Variants in DGKB observed in about 807,000 individuals in gnomAD.
DGKB encodes 90 kDa diacylglycerol kinase.
Under a neutral mutation model 114.3 loss-of-function variants are expected in DGKB, and 67 were observed. That is an observed-to-expected ratio of 0.59 (90% confidence interval 0.48 to 0.72). The LOEUF (loss-of-function observed/expected upper bound fraction) is 0.72, where lower values mean the gene tolerates loss of function less well. DGKB is among the 30% of genes least tolerant of loss of function. DGKB has a pLI of 0.00. For missense variants in DGKB, 907 were observed against 975.2 expected (o/e 0.93, Z 0.93); for synonymous variants, 398 against 323.1 (o/e 1.23, Z -2.49).
At chr7:14,681,997 T>C (rs1585614500) in intron 12 of DGKB, among the ~76,000 whole-genome samples, 1 of 152,212 alleles carries the variant, frequency 6.6e-6, no homozygotes, top group African/African-American at 2.4e-5. Context: ...AAGACCTGAA[T>C]AAAACACGGT....
chr7:14,638,542 G>C (rs1308948451), intron 13 of DGKB, among the ~76,000 whole-genome samples: 1 of 152,196 alleles, frequency 6.6e-6, no homozygotes, highest in East Asian at 1.9e-4. Flanking sequence ...CATTCACTCA[G>C]CAAATATTTG....
rs1043876908 is a variant in DGKB at position 14,851,398 on chromosome 7, A to G, written c.-187-9948T>C. ...TGAATTTTCTATTCTCTTTCTTTTCACTTATGATTTTAAAATATCTTTTAG... is the reference window on the plus strand; with the variant it reads ...TGAATTTTCTATTCTCTTTCTTTTCGCTTATGATTTTAAAATATCTTTTAG... On this transcript the variant is annotated intron_variant, in intron 1 of 25. Transcript: ENST00000402815. 2.6e-5 allele frequency among the ~76,000 whole-genome samples: 4 copies of G among 152,188 alleles called. No individual in the cohort carries two copies. In the South Asian group the frequency reaches 8.3e-4, roughly 32 times the overall value.
At chr7:14,288,206 T>C (rs16878125) in intron 23 of DGKB, among the ~76,000 whole-genome samples, 7,010 of 148,432 alleles carry the variant, frequency 0.047, 562 homozygotes, top group African/African-American at 0.17. Flanking sequence ...GTTTCTAGAA[T>C]TCTTGATAAT....
intron 23 of DGKB, among the ~76,000 whole-genome samples, chr7:14,251,330 C>T (rs1264357084): frequency 6.6e-6 from 1 of 151,838 alleles, no homozygotes; most frequent in Non-Finnish European, 1.5e-5. Flanking sequence ...TTTAAAATAT[C>T]TTATAATTAG....
intron 13 of DGKB, among the ~76,000 whole-genome samples, chr7:14,652,796 C>A (rs1814855461): frequency 1.3e-5 from 2 of 152,008 alleles, no homozygotes; most frequent in African/African-American, 4.8e-5. Flanking sequence ...TGAACTCAAA[C>A]AAATTCACAA....
At chr7:14,418,815 G>A (rs1826208058) in intron 21 of DGKB, among the ~76,000 whole-genome samples, 1 of 151,858 alleles carries the variant, frequency 6.6e-6, no homozygotes, top group Non-Finnish European at 1.5e-5. Context: ...GATTCGTTAT[G>A]AGTAGCAGTT....
intron 8 of DGKB, among the ~76,000 whole-genome samples, chr7:14,696,421 G>A (rs1321659078): frequency 6.6e-6 from 1 of 150,652 alleles, no homozygotes; most frequent in Non-Finnish European, 1.5e-5. Context: ...AGTGAACCCG[G>A]GAGGCGGAGC....
intron 1 of DGKB, among the ~76,000 whole-genome samples, chr7:14,911,604 A>G (rs1784007812): frequency 6.6e-6 from 1 of 152,094 alleles, no homozygotes; most frequent in Non-Finnish European, 1.5e-5. Flanking sequence ...CTGTTGATAA[A>G]TCTCTTCTTT....
At chr7:14,567,066 G>GTATA (rs201026670) in intron 20 of DGKB, among the ~76,000 whole-genome samples, 15 of 118,960 alleles carry the variant, frequency 1.3e-4, no homozygotes, top group Admixed American at 1.1e-3. Flanking sequence ...GAGATGACCT[G>GTATA]TATATATATA....
At chr7:14,742,540 G>A (rs1678628732) in intron 4 of DGKB, among the ~76,000 whole-genome samples, 1 of 152,092 alleles carries the variant, frequency 6.6e-6, no homozygotes, top group Admixed American at 6.5e-5. Flanking sequence ...CAGATACTAG[G>A]TTCGCTAAAT....
intron 21 of DGKB, among the ~76,000 whole-genome samples, chr7:14,436,556 C>T (rs16878172): frequency 0.079 from 11,998 of 152,074 alleles, 728 homozygotes; most frequent in East Asian, 0.28. Context: ...TGACCACTCT[C>T]TGGCCTCTTT....
At chr7:14,468,517 G>C (rs1780812217) in intron 21 of DGKB, among the ~76,000 whole-genome samples, 1 of 149,104 alleles carries the variant, frequency 6.7e-6, no homozygotes, top group East Asian at 2.0e-4. Flanking sequence ...TAAATTGATA[G>C]TTTACTTATT....
intron 17 of DGKB, among the ~76,000 whole-genome samples, chr7:14,607,069 T>C (rs1337972467): frequency 6.6e-6 from 1 of 151,924 alleles, no homozygotes; most frequent in African/African-American, 2.4e-5. Context: ...TTTTAGCAGA[T>C]ATTTTAAATA....
intron 21 of DGKB, among the ~76,000 whole-genome samples, chr7:14,401,688 T>C (rs907331183): frequency 4.0e-5 from 6 of 151,744 alleles, no homozygotes; most frequent in African/African-American, 1.5e-4. Context: ...ATAGGCCCAG[T>C]TTTTAAATGT....
intron 2 of DGKB, among the ~76,000 whole-genome samples, chr7:14,788,946 A>G (rs1413923656): frequency 6.6e-6 from 1 of 152,146 alleles, no homozygotes. Context: ...GAGGCAGCAC[A>G]GATAAAGCCC....
intron 21 of DGKB, among the ~76,000 whole-genome samples, chr7:14,404,409 C>T (rs1406985910): frequency 1.3e-5 from 2 of 151,716 alleles, no homozygotes; most frequent in Non-Finnish European, 2.9e-5. Flanking sequence ...CTTAGAAGAA[C>T]AAATCTACAA....
rs1214542967 is a variant in DGKB, at chr7:14,866,648, G to A, written c.-187-25198C>T. Among the ~76,000 whole-genome samples, 21 of 152,022 alleles carry A rather than the reference G, an allele frequency of 1.4e-4. No individual in the cohort carries two copies. The East Asian group carries it at 4.1e-3, about 29-fold the overall frequency. On this transcript the variant is annotated intron_variant, in intron 1 of 25. Transcript: ENST00000402815. ...TCTAGTCACCCTAGAAGGACATTTT[G>A]GTGGCTTTCAAGTTTTGGCAATTAT...
intron 21 of DGKB, among the ~76,000 whole-genome samples, chr7:14,390,255 A>G (rs1821113990): frequency 6.6e-6 from 1 of 152,218 alleles, no homozygotes; most frequent in African/African-American, 2.4e-5. Flanking sequence ...AAGCTATCAG[A>G]ACTTTCCTGA....
intron 1 of DGKB, among the ~76,000 whole-genome samples, chr7:14,911,612 T>C (rs1442176802): frequency 6.6e-6 from 1 of 152,146 alleles, no homozygotes; most frequent in Admixed American, 6.6e-5. Flanking sequence ...AAATCTCTTC[T>C]TTTTCTGTGT....
Sources: gnomAD v4.1 joint callset for allele counts (sites outside exome capture counted in the v4.1 genomes callset) on GRCh38, gnomAD v4.1.1 for gene constraint, MANE v1.5 for transcripts, NCBI Gene and HGNC (gene_info 2026-07-23, HGNC 2026-07-21) for gene names.